PLXDC2: variants seen among roughly 807,000 people sequenced by gnomAD.
PLXDC2 encodes plexin domain-containing protein 2.
PLXDC2 carries 40 observed loss-of-function variants against 68.9 expected under a neutral mutation model. The observed-to-expected ratio is 0.58, with a 90% CI of 0.45 to 0.76. The LOEUF (loss-of-function observed/expected upper bound fraction) is 0.76, where lower values mean the gene tolerates loss of function less well. Ranked by LOEUF, PLXDC2 falls within the 30% of genes least tolerant of loss-of-function variation. The probability of loss-of-function intolerance (pLI) is 0.00; values close to 1 mark genes in which losing one functional copy is unlikely to be tolerated. For missense variants in PLXDC2, 644 were observed against 661.9 expected (o/e 0.97, Z 0.30); for synonymous variants, 243 against 234.2 (o/e 1.04, Z -0.34).
At chr10:20,126,025 C>T (rs1244481746) in intron 4 of PLXDC2, among the ~76,000 whole-genome samples, 3 of 148,124 alleles carry the variant, frequency 2.0e-5, no homozygotes, top group Admixed American at 1.4e-4. Context: ...TACATATATA[C>T]ACACATACAT....
intron 4 of PLXDC2, among the ~76,000 whole-genome samples, chr10:20,083,780 C>A (rs1338446703): frequency 6.6e-6 from 1 of 152,054 alleles, no homozygotes; most frequent in Non-Finnish European, 1.5e-5. Context: ...TATTAAAGGG[C>A]TTATGAGTAC....
At chr10:20,214,817 C>T (rs574734370) in intron 10 of PLXDC2, among the ~76,000 whole-genome samples, 62 of 152,180 alleles carry the variant, frequency 4.1e-4, no homozygotes, top group African/African-American at 1.3e-3. Flanking sequence ...ATCCTGTTTA[C>T]GGAATACTAG....
At chr10:19,847,590 C>G (rs1837031832) in intron 1 of PLXDC2, among the ~76,000 whole-genome samples, 1 of 152,210 alleles carries the variant, frequency 6.6e-6, no homozygotes, top group South Asian at 2.1e-4. Context: ...TGAACCTTAA[C>G]AAGCCTCCGG....
intron 1 of PLXDC2, among the ~76,000 whole-genome samples, chr10:19,863,846 G>C (rs1274867613): frequency 2.0e-5 from 3 of 151,948 alleles, no homozygotes; most frequent in Non-Finnish European, 4.4e-5. Flanking sequence ...CAGAGGGAAA[G>C]AGTATTAGAC....
At chr10:19,838,136 G>A (rs1836834401) in intron 1 of PLXDC2, among the ~76,000 whole-genome samples, 1 of 151,964 alleles carries the variant, frequency 6.6e-6, no homozygotes. Context: ...ATATTTTTAA[G>A]TTTTTTTGTA....
intron 1 of PLXDC2, among the ~76,000 whole-genome samples, chr10:19,891,328 T>G (rs990924693): frequency 1.2e-4 from 18 of 152,218 alleles, no homozygotes; most frequent in African/African-American, 4.1e-4. Context: ...TTTTTCTGTG[T>G]CCCAATTTAA....
intron 4 of PLXDC2, among the ~76,000 whole-genome samples, chr10:20,079,439 C>A (rs747679513): frequency 6.6e-6 from 1 of 152,144 alleles, no homozygotes; most frequent in Non-Finnish European, 1.5e-5. Flanking sequence ...TTGTGGAAGA[C>A]AGTGTGGCGA....
At chr10:19,840,096 G>T (rs1388911920) in intron 1 of PLXDC2, among the ~76,000 whole-genome samples, 1 of 152,118 alleles carries the variant, frequency 6.6e-6, no homozygotes, top group Admixed American at 6.5e-5. Context: ...CTGATGTCCT[G>T]TAGATTCTTT....
At chr10:19,914,610 A>T (rs1301791629) in intron 1 of PLXDC2, among the ~76,000 whole-genome samples, 2 of 152,232 alleles carry the variant, frequency 1.3e-5, no homozygotes, top group Non-Finnish European at 2.9e-5. Flanking sequence ...AAAAGCGAAC[A>T]TAAAACAAGA....
intron 1 of PLXDC2, among the ~76,000 whole-genome samples, chr10:19,887,231 G>T (rs1837864042): frequency 6.6e-6 from 1 of 152,094 alleles, no homozygotes; most frequent in Non-Finnish European, 1.5e-5. Context: ...ACTGAAACTT[G>T]GAAAATAGGC....
At chr10:19,905,030 G>T (rs1037220469) in intron 1 of PLXDC2, among the ~76,000 whole-genome samples, 1 of 152,072 alleles carries the variant, frequency 6.6e-6, no homozygotes, top group East Asian at 1.9e-4. Flanking sequence ...TTGACCCACC[G>T]CATATGCACA....
chr10:19,877,563 T>C (rs1251526950), intron 1 of PLXDC2, among the ~76,000 whole-genome samples: 1 of 152,200 alleles, frequency 6.6e-6, no homozygotes, highest in East Asian at 1.9e-4. Context: ...AAGTAAAAGA[T>C]TGCTTCCTTT....
intron 9 of PLXDC2, among the ~76,000 whole-genome samples, chr10:20,201,914 C>T (rs887463389): frequency 3.3e-5 from 5 of 152,012 alleles, no homozygotes; most frequent in Non-Finnish European, 5.9e-5. Context: ...CGAGGTTGAA[C>T]GTAAAACTAA....
intron 2 of PLXDC2, among the ~76,000 whole-genome samples, chr10:20,004,887 AAGGATGGCCC>A (rs1344130845): frequency 6.6e-6 from 1 of 152,164 alleles, no homozygotes; most frequent in Non-Finnish European, 1.5e-5. Context: ...AAGAGGGCAG[AAGGATGGCCC>A]AGGGGACTGT....
chr10:20,039,688 C>A (rs1279341742), intron 2 of PLXDC2, among the ~76,000 whole-genome samples: 1 of 151,948 alleles, frequency 6.6e-6, no homozygotes, highest in Non-Finnish European at 1.5e-5. Context: ...CACATATTTT[C>A]TAAAGCTTTA....
At position 20,287,353 on chromosome 10, in the gene PLXDC2, A is replaced by G. The variant is rs951925533; in HGVS notation, c.*7534A>G. The G allele has an allele frequency of 2.6e-5, 4 of 152,184 alleles. No homozygotes were observed. The highest frequency in any genetic ancestry group is 9.7e-5 in the African/African-American group (4 of 41,448). The allele number at this position is 152,184 out of a possible 1,614,324, so 9.4% of individuals were successfully genotyped here. A position where few individuals can be genotyped will look rare whatever the true frequency, so the allele number is the denominator to read the frequency against. On this transcript the variant is annotated 3_prime_UTR_variant, in exon 14 of 14. Transcript: ENST00000377252. Reference sequence around the variant, plus strand: ...AAAGGCATGAAAATAAGGCAAAAAAATCAATAAAATAATTTTCCTGAGGAA... The same window carrying G: ...AAAGGCATGAAAATAAGGCAAAAAAGTCAATAAAATAATTTTCCTGAGGAA...
intron 9 of PLXDC2, among the ~76,000 whole-genome samples, chr10:20,185,160 GAA>G (rs11307851): frequency 0.2 from 11,445 of 55,892 alleles, 673 homozygotes; most frequent in East Asian, 0.34. Context: ...GAACTGAAAG[GAA>G]AAAAAAAAAA....
intron 1 of PLXDC2, among the ~76,000 whole-genome samples, chr10:19,899,770 T>C (rs750301019): frequency 2.0e-5 from 3 of 152,164 alleles, no homozygotes; most frequent in Non-Finnish European, 4.4e-5. Flanking sequence ...CAATAAATAC[T>C]AGTTAAGTAT....
chr10:20,046,925 C>T lies in PLXDC2; in HGVS notation c.381C>T (p.Ala127=), dbSNP rs1022889719. ...GAATATATGGTCCATCTGATTCTGC[C>T]AGCCGGGATTTATGGGTGAACATAG... ...ISRIYGPSDS[A]SRDLWVNIDQ... The change falls in exon 3 of 14, where the codon GCC becomes GCT. Residue 127 remains alanine, a synonymous_variant. Transcript: ENST00000377252. 5 of 1,612,394 alleles carry T rather than the reference C, an allele frequency of 3.1e-6. No homozygotes were observed. The highest frequency in any genetic ancestry group is 2.5e-6 in the Non-Finnish European group (3 of 1,179,160).
Sources: gnomAD v4.1 joint callset for allele counts (sites outside exome capture counted in the v4.1 genomes callset) on GRCh38, gnomAD v4.1.1 for gene constraint, MANE v1.5 for transcripts, NCBI Gene and HGNC (gene_info 2026-07-23, HGNC 2026-07-21) for gene names.